Variants in CAMK2G observed in about 807,000 individuals in gnomAD.
CAMK2G encodes the protein calcium/calmodulin dependent protein kinase II gamma, also known as calcium/calmodulin-dependent protein kinase type II subunit gamma.
Under a neutral mutation model 88.7 loss-of-function variants are expected in CAMK2G, and 23 were observed. The observed-to-expected ratio is 0.26, with a 90% CI of 0.19 to 0.37. The LOEUF (loss-of-function observed/expected upper bound fraction) is 0.37. Ranked by LOEUF, CAMK2G falls within the 10% of genes least tolerant of loss-of-function variation. CAMK2G has a pLI of 1.00. For synonymous variants in CAMK2G, 263 were observed against 294.8 expected (o/e 0.89, Z 1.11); for missense variants, 476 against 780.8 (o/e 0.61, Z 4.65).
chr10:73,819,619 T>G lies in CAMK2G; in HGVS notation c.1276A>C (p.Ser426Arg). 2.6e-6 allele frequency: 4 copies of G among 1,545,792 alleles called. No homozygotes were observed. The highest frequency in any genetic ancestry group is 2.6e-6 in the Non-Finnish European group (3 of 1,146,770). ...KAAPLRTGNG[S>R]SVPEGRSSRD... ...GAGCTCCGTCCTTCAGGCACCGAGCTGCCATTCCCAGTGCGGAGCGGGGCA... is the reference window on the plus strand; with the variant it reads ...GAGCTCCGTCCTTCAGGCACCGAGCGGCCATTCCCAGTGCGGAGCGGGGCA... Residue 426 changes from serine to arginine, a missense_variant, in exon 19 of 23, where the codon AGC (serine) becomes CGC (arginine). Physicochemically the swap from Ser to Arg is moderately radical, Grantham distance 110. Coordinates refer to ENST00000423381, the MANE Select transcript of CAMK2G (RefSeq NM_001367534.1).
At chr10:73,825,401 G>A in intron 15 of CAMK2G, 54 bp from the exon 16 acceptor site, 3 of 1,403,152 alleles carry the variant, frequency 2.1e-6, no homozygotes, top group Non-Finnish European at 2.0e-6. Flanking sequence ...AGGCCACTCA[G>A]GTTCAACTCC....
At chr10:73,845,576 CAAAA>C (rs987303671) in intron 10 of CAMK2G, among the ~76,000 whole-genome samples, 3 of 100,270 alleles carry the variant, frequency 3.0e-5, no homozygotes, top group Admixed American at 1.1e-4. Flanking sequence ...GACTCCATCT[CAAAA>C]AAAAAAAAAA....
intron 1 of CAMK2G, among the ~76,000 whole-genome samples, chr10:73,874,018 G>A (rs2095973929): frequency 6.6e-6 from 1 of 150,750 alleles, no homozygotes; most frequent in African/African-American, 2.4e-5. Flanking sequence ...GGCTGGGGAG[G>A]GTCCTGAGTG....
intron 3 of CAMK2G, among the ~76,000 whole-genome samples, chr10:73,855,345 A>G (rs1164925302): frequency 6.6e-6 from 1 of 152,272 alleles, no homozygotes; most frequent in Non-Finnish European, 1.5e-5. Context: ...TCCCCTGGAA[A>G]TCAGCTGTCC....
chr10:73,838,617 T>C (rs550261525), intron 13 of CAMK2G, among the ~76,000 whole-genome samples: 2 of 152,318 alleles, frequency 1.3e-5, no homozygotes, highest in East Asian at 1.9e-4. Context: ...CTCTCTCCAG[T>C]GAGAACAGGG....
Position 73,873,049 on chromosome 10 carries a change from T to G in CAMK2G, c.100A>C (p.Lys34Gln), listed in dbSNP as rs2095892255. The G allele has an allele frequency of 6.2e-7, 1 of 1,613,408 alleles. No homozygotes were observed. The highest frequency in any genetic ancestry group is 1.1e-5 in the South Asian group (1 of 91,072). Residue 34 changes from lysine (K) to glutamine (Q), a missense_variant, in exon 2 of 23, where the codon AAA becomes CAA. Physicochemically the swap from Lys to Gln is moderately conservative, Grantham distance 53 (BLOSUM62 1). Transcript: ENST00000423381. Reference sequence around the variant, plus strand: ...GCTGCGTACTCCTGCGTGGAGGTTTTCTTCACACACCTGCGGACCACAGAG... The same window carrying G: ...GCTGCGTACTCCTGCGTGGAGGTTTGCTTCACACACCTGCGGACCACAGAG... ...AFSVVRRCVK[K>Q]TSTQEYAAKI...
intron 5 of CAMK2G, among the ~76,000 whole-genome samples, chr10:73,850,429 C>G (rs377432704): frequency 4.6e-5 from 7 of 152,342 alleles, no homozygotes; most frequent in Non-Finnish European, 7.3e-5. Flanking sequence ...CCCGCCCCCC[C>G]CCACCGCAGG....
At chr10:73,835,310 T>G (rs991727324) in intron 14 of CAMK2G, among the ~76,000 whole-genome samples, 1 of 151,970 alleles carries the variant, frequency 6.6e-6, no homozygotes, top group Non-Finnish European at 1.5e-5. Context: ...TTTTTTTTTT[T>G]TTTGAGGCAG....
intron 14 of CAMK2G, among the ~76,000 whole-genome samples, chr10:73,833,244 T>C (rs894522568): frequency 6.6e-6 from 1 of 152,026 alleles, no homozygotes; most frequent in Non-Finnish European, 1.5e-5. Flanking sequence ...ATTACAAGCA[T>C]AAGCCACTGT....
chr10:73,852,483 A>G, intron 4 of CAMK2G, 164 bp from the exon 5 acceptor site: 1 of 622,142 alleles, frequency 1.6e-6, no homozygotes, highest in Non-Finnish European at 2.9e-6. Context: ...CTTCAGTGAC[A>G]CCCGGATTCT....
rs1015474153 is a variant in CAMK2G at position 73,813,618 on chromosome 10, GGAGCCCTGACCA to G, written c.*888_*899del. 2.0e-5 allele frequency: 3 copies of G among 152,856 alleles called. No homozygotes were observed. The highest frequency in any genetic ancestry group is 4.4e-5 in the Non-Finnish European group (3 of 68,180). The allele number at this position is 152,856 out of a possible 1,614,324, so 9.5% of individuals were successfully genotyped here. The stretch of plus-strand genomic sequence containing the variant: ...AAACAGAACCGCCAAAGGCGGCACG[GGAGCCCTGACCA>G]GGGCCTGGCTCTCTCCTTGCCAGGT... On this transcript the variant is annotated 3_prime_UTR_variant, in exon 23 of 23. Transcript: ENST00000423381.
rs561177388 is a variant in CAMK2G at position 73,858,723 on chromosome 10, G to T, written c.220+2107C>A. 4.6e-5 allele frequency among the ~76,000 whole-genome samples: 7 copies of T among 152,344 alleles called. No homozygotes were observed. In the South Asian group the frequency reaches 1.4e-3, roughly 32 times the overall value. ...CCGCCTGCCTCCATTCTGAGCCGAG[G>T]GCAGATGGTAAAAGTAAAGGGCTAC... On this transcript the variant is annotated intron_variant, in intron 3 of 22. Coordinates refer to ENST00000423381, the MANE Select transcript of CAMK2G (RefSeq NM_001367534.1).
intron 20 of CAMK2G, 70 bp downstream of exon 20, chr10:73,817,409 T>G: frequency 8.9e-7 from 1 of 1,119,772 alleles, no homozygotes; most frequent in Non-Finnish European, 1.4e-6. Flanking sequence ...AGGGTCCTAA[T>G]TGTTGTCTGG....
At position 73,842,370 on chromosome 10, in the gene CAMK2G, AG is replaced by A; in HGVS notation, c.903+87del. Reference sequence around the variant, plus strand: ...CCTTCAGAGCCCAGCTCCAGCCAGGAGGGGAGCTTCCTTCTGAAATGGGGCA... The same window carrying A: ...CCTTCAGAGCCCAGCTCCAGCCAGGAGGGAGCTTCCTTCTGAAATGGGGCA... On this transcript the variant is annotated intron_variant, in intron 11 of 22. Coordinates refer to ENST00000423381, the MANE Select transcript of CAMK2G (RefSeq NM_001367534.1). This position sits in a 1 kb window ranked among gnomAD's most constrained non-coding sequence, Gnocchi z 4.6. 8.4e-7 allele frequency: 1 copy of A among 1,192,694 alleles called. No homozygotes were observed. The highest frequency in any genetic ancestry group is 1.2e-5 in the South Asian group (1 of 82,402). 73.9% of individuals were successfully genotyped at this position (1,192,694 alleles called of 1,614,324 possible).
intron 2 of CAMK2G, among the ~76,000 whole-genome samples, chr10:73,865,896 A>T (rs1359445968): frequency 2.5e-5 from 3 of 120,250 alleles, no homozygotes. Context: ...TTCCTGTTTG[A>T]CAACTGCCAC....
chr10:73,835,310 T>C (rs991727324), intron 14 of CAMK2G, among the ~76,000 whole-genome samples: 2 of 151,970 alleles, frequency 1.3e-5, no homozygotes, highest in African/African-American at 4.8e-5. Context: ...TTTTTTTTTT[T>C]TTTGAGGCAG....
chr10:73,825,475 T>C (rs1241271406), intron 15 of CAMK2G, 128 bp from the exon 16 acceptor site: 3 of 710,156 alleles, frequency 4.2e-6, no homozygotes, highest in Non-Finnish European at 7.7e-6. Flanking sequence ...TCCATAACGC[T>C]GTGTAGATGG....
At chr10:73,873,419 C>T (rs561361254) in intron 1 of CAMK2G, 2 of 1,175,528 alleles carry the variant, frequency 1.7e-6, no homozygotes, top group African/African-American at 1.6e-5. Context: ...CCTGCGGTCC[C>T]GGCCAAGAGA....
At chr10:73,841,022 A>AG (rs1428374592) in intron 12 of CAMK2G, among the ~76,000 whole-genome samples, 1 of 152,130 alleles carries the variant, frequency 6.6e-6, no homozygotes, top group Non-Finnish European at 1.5e-5. Flanking sequence ...GCCCCAAACC[A>AG]GGGTCAAAGG....
Sources: gnomAD v4.1 joint callset for allele counts (sites outside exome capture counted in the v4.1 genomes callset) on GRCh38, gnomAD v4.1.1 for gene constraint, Gnocchi (gnomAD v3.1) non-coding constraint, MANE v1.5 for transcripts, NCBI Gene and HGNC (gene_info 2026-07-23, HGNC 2026-07-21) for gene names.